Variants in LIMCH1 observed in about 807,000 individuals in gnomAD.
LIMCH1 encodes LIM and calponin homology domains-containing protein 1.
A neutral mutation model predicts 176.5 loss-of-function variants in LIMCH1; 113 were observed. That is an observed-to-expected ratio of 0.64 (90% CI 0.55 to 0.75). The LOEUF (loss-of-function observed/expected upper bound fraction) is 0.75, where lower values mean the gene tolerates loss of function less well. Ranked by LOEUF, LIMCH1 falls within the 30% of genes least tolerant of loss-of-function variation. The pLI, the probability that LIMCH1 is intolerant of heterozygous loss-of-function variation, is 0.00. For missense variants in LIMCH1, 1,674 were observed against 1,814.9 expected (o/e 0.92, Z 1.41); for synonymous variants, 619 against 645.9 (o/e 0.96, Z 0.63).
intron 2 of LIMCH1, 182 bp downstream of exon 2, chr4:41,599,208 T>A: frequency 2.1e-6 from 1 of 466,700 alleles, no homozygotes; most frequent in Non-Finnish European, 3.9e-6. Flanking sequence ...ATAGCTTTCA[T>A]TCTGATCAAA....
intron 1 of LIMCH1, among the ~76,000 whole-genome samples, chr4:41,378,356 T>C (rs938930240): frequency 2.0e-5 from 3 of 152,236 alleles, no homozygotes; most frequent in African/African-American, 7.2e-5. Context: ...ATTTGGCCTC[T>C]CTGTGCTTTA....
intron 1 of LIMCH1, among the ~76,000 whole-genome samples, chr4:41,491,960 G>T (rs1372347575): frequency 5.9e-5 from 9 of 151,940 alleles, no homozygotes; most frequent in Non-Finnish European, 1.0e-4. Flanking sequence ...CCCAGACGAT[G>T]GGCGGCCAGG....
In LIMCH1 at chr4:41,483,407, G is replaced by A. The variant is rs372175570; in HGVS notation, c.97-11129G>A. ...TATACATAGGAGTGGGAGAGTCCAC[G>A]GAGAGATAATTAGGAGCAACAAGCA... On this transcript the variant is annotated intron_variant, in intron 1 of 26. Coordinates refer to the LIMCH1 transcript ENST00000313860. Among the ~76,000 whole-genome samples, 15 of 152,088 alleles carry A rather than the reference G, an allele frequency of 9.9e-5. No individual in the cohort carries two copies. In the East Asian group the frequency reaches 1.7e-3, roughly 18 times the overall value.
At chr4:41,407,695 A>G (rs372473025) in intron 1 of LIMCH1, among the ~76,000 whole-genome samples, 1 of 152,084 alleles carries the variant, frequency 6.6e-6, no homozygotes, top group African/African-American at 2.4e-5. Flanking sequence ...ATAGCCACAA[A>G]CTTCTCCTAT....
chr4:41,501,100 T>G (rs547934952), intron 2 of LIMCH1, among the ~76,000 whole-genome samples: 11 of 152,316 alleles, frequency 7.2e-5, no homozygotes, highest in African/African-American at 2.4e-4. Flanking sequence ...AGGTAAGAAC[T>G]CTGCACAAGA....
chr4:41,510,575 G>T (rs2074763991), intron 2 of LIMCH1, among the ~76,000 whole-genome samples: 1 of 151,948 alleles, frequency 6.6e-6, no homozygotes, highest in African/African-American at 2.4e-5. Flanking sequence ...AGCCTACTAA[G>T]GACCCAGTTT....
chr4:41,616,044 C>A (rs910580959), intron 5 of LIMCH1, among the ~76,000 whole-genome samples: 2 of 152,124 alleles, frequency 1.3e-5, no homozygotes, highest in African/African-American at 2.4e-5. Context: ...TATGAGTCCA[C>A]TTAATGGGCT....
At chr4:41,424,620 A>G (rs1001769468) in intron 1 of LIMCH1, among the ~76,000 whole-genome samples, 2 of 152,246 alleles carry the variant, frequency 1.3e-5, no homozygotes, top group African/African-American at 4.8e-5. Context: ...GAATGTTCAC[A>G]TTGAATAAAT....
At chr4:41,448,931 A>G (rs1272493471) in intron 1 of LIMCH1, among the ~76,000 whole-genome samples, 1 of 152,150 alleles carries the variant, frequency 6.6e-6, no homozygotes, top group Non-Finnish European at 1.5e-5. Flanking sequence ...AGGCTTTAAA[A>G]AAAGAAAATA....
intron 2 of LIMCH1, among the ~76,000 whole-genome samples, chr4:41,516,839 G>A (rs754602384): frequency 1.1e-4 from 17 of 152,154 alleles, no homozygotes; most frequent in Non-Finnish European, 2.2e-4. Flanking sequence ...TCCTTCTGCT[G>A]CCATCCCAGC....
At chr4:41,682,678 CT>C (rs397975995) in intron 26 of LIMCH1, among the ~76,000 whole-genome samples, 264 of 138,918 alleles carry the variant, frequency 1.9e-3, no homozygotes, top group Non-Finnish European at 2.0e-3. Flanking sequence ...TCTTCTTCTT[CT>C]TTTTTTTTTT....
intron 1 of LIMCH1, among the ~76,000 whole-genome samples, chr4:41,576,280 CT>C (rs1174569844): frequency 1.3e-5 from 2 of 151,870 alleles, no homozygotes; most frequent in African/African-American, 4.8e-5. Context: ...TTTTTTCAGA[CT>C]TTTTTTAAAT....
At chr4:41,594,408 A>T (rs1344025684) in intron 1 of LIMCH1, among the ~76,000 whole-genome samples, 1 of 152,220 alleles carries the variant, frequency 6.6e-6, no homozygotes, top group Non-Finnish European at 1.5e-5. Context: ...GGATTGAGAC[A>T]CTTTTAGTGT....
chr4:41,623,350 T>G (rs892897945), intron 7 of LIMCH1, among the ~76,000 whole-genome samples: 1 of 152,322 alleles, frequency 6.6e-6, no homozygotes, highest in East Asian at 1.9e-4. Flanking sequence ...TGGGAAATGT[T>G]TGCAGAGATG....
At chr4:41,660,394 G>A (rs1210212345) in intron 18 of LIMCH1, among the ~76,000 whole-genome samples, 1 of 152,202 alleles carries the variant, frequency 6.6e-6, no homozygotes, top group Admixed American at 6.5e-5. Flanking sequence ...GAGGTGCCAT[G>A]GAGATGAACA....
chr4:41,526,144 C>A (rs982121061), intron 3 of LIMCH1, among the ~76,000 whole-genome samples: 1 of 152,020 alleles, frequency 6.6e-6, no homozygotes, highest in East Asian at 1.9e-4. Context: ...ATTTGGGCAA[C>A]TTGATACAAG....
At chr4:41,551,543 G>C (rs2080425591) in intron 1 of LIMCH1, 1 of 152,182 alleles carries the variant, frequency 6.6e-6, no homozygotes. Context: ...GATGAAATTA[G>C]AGTGTTTGGA....
intron 2 of LIMCH1, among the ~76,000 whole-genome samples, chr4:41,603,321 G>T (rs1244633040): frequency 6.6e-6 from 1 of 152,184 alleles, no homozygotes. Flanking sequence ...GAGCATGCAT[G>T]TGTGTATATT....
intron 1 of LIMCH1, among the ~76,000 whole-genome samples, chr4:41,400,955 C>T (rs1322933020): frequency 3.3e-5 from 5 of 152,106 alleles, no homozygotes; most frequent in African/African-American, 7.2e-5. Flanking sequence ...GAGTAGGTTG[C>T]GAAAATTTTC....
Sources: gnomAD v4.1 joint callset for allele counts (sites outside exome capture counted in the v4.1 genomes callset) on GRCh38, gnomAD v4.1.1 for gene constraint, MANE v1.5 for transcripts, NCBI Gene and HGNC (gene_info 2026-07-23, HGNC 2026-07-21) for gene names.